ALDH2: variants seen among roughly 807,000 people sequenced by gnomAD.
ALDH2 encodes the protein aldehyde dehydrogenase 2 family member, also known as aldehyde dehydrogenase, mitochondrial.
Under a neutral mutation model 59.6 loss-of-function variants are expected in ALDH2, and 44 were observed. That is an observed-to-expected ratio of 0.74 (90% CI 0.58 to 0.95). The LOEUF (loss-of-function observed/expected upper bound fraction) is 0.95. Among genes scored for constraint, ALDH2 ranks in the 40% least tolerant of loss-of-function variants. The pLI is 0.00. For synonymous variants in ALDH2, 291 were observed against 284.0 expected (o/e 1.02, Z -0.25); for missense variants, 570 against 696.3 (o/e 0.82, Z 2.04).
chr12:111,800,119 C>T, intron 11 of ALDH2, 56 bp downstream of exon 11: 1 of 1,527,372 alleles, frequency 6.5e-7, no homozygotes, highest in South Asian at 1.2e-5. Context: ...AAAGCCAGGG[C>T]CTACTGGAAT....
chr12:111,773,607 A>C (rs1348151423), intron 1 of ALDH2, among the ~76,000 whole-genome samples: 1 of 152,202 alleles, frequency 6.6e-6, no homozygotes, highest in African/African-American at 2.4e-5. Context: ...CATTAAGTAT[A>C]ACTAAGGGCA....
intron 4 of ALDH2, among the ~76,000 whole-genome samples, chr12:111,789,384 T>C (rs564760822): frequency 2.0e-5 from 3 of 151,482 alleles, no homozygotes; most frequent in South Asian, 2.1e-4. Flanking sequence ...TCCCAGCTAC[T>C]TGGGAGGCTG....
intron 1 of ALDH2, among the ~76,000 whole-genome samples, chr12:111,778,867 C>CT (rs1219117978): frequency 3.2e-4 from 46 of 141,674 alleles, no homozygotes; most frequent in East Asian, 8.2e-4. Flanking sequence ...CGTCCAGATT[C>CT]TTTTTTTTTT....
At chr12:111,783,493 CTTTG>C (rs2068288717) in intron 3 of ALDH2, among the ~76,000 whole-genome samples, 195 bp downstream of exon 3, 1 of 152,080 alleles carries the variant, frequency 6.6e-6, no homozygotes, top group African/African-American at 2.4e-5. Flanking sequence ...TCAGTGTCTC[CTTTG>C]TTTTTTTGTT....
At chr12:111,789,511 AAAAG>A in intron 4 of ALDH2, among the ~76,000 whole-genome samples, 1 of 150,064 alleles carries the variant, frequency 6.7e-6, no homozygotes, top group African/African-American at 2.5e-5. Flanking sequence ...AAAAGAAAAG[AAAAG>A]AAAGAAAAAA....
At position 111,809,599 on chromosome 12, in the gene ALDH2, A is replaced by C; in HGVS notation, c.*24A>C. The stretch of plus-strand genomic sequence containing the variant: ...AAGAATCATGCAAGCTTCCTCCCTC[A>C]GCCATTGATGGAAAGTTCAGCAAGA... On this transcript the variant is annotated 3_prime_UTR_variant, in exon 13 of 13. Transcript: ENST00000261733. The C allele has an allele frequency of 6.2e-7, 1 of 1,613,884 alleles. No homozygotes were observed. Among genetic ancestry groups the C allele is most frequent in the South Asian group, 1.1e-5 (1 of 91,066 alleles).
intron 1 of ALDH2, among the ~76,000 whole-genome samples, chr12:111,768,469 C>T (rs2068175048): frequency 6.6e-6 from 1 of 152,230 alleles, no homozygotes; most frequent in Non-Finnish European, 1.5e-5. Flanking sequence ...TTGCATAACA[C>T]AAGCTAAAAA....
At chr12:111,772,938 G>T (rs1275665281) in intron 1 of ALDH2, among the ~76,000 whole-genome samples, 2 of 135,594 alleles carry the variant, frequency 1.5e-5, no homozygotes, top group South Asian at 4.8e-4. Context: ...GTGAGACTCC[G>T]TCTCAAAAAA....
intron 5 of ALDH2, 38 bp downstream of exon 5, chr12:111,789,972 T>C (rs976336262): frequency 4.4e-6 from 7 of 1,588,724 alleles, no homozygotes; most frequent in Non-Finnish European, 6.0e-6. Flanking sequence ...CAGGGTGCCC[T>C]GAGATTTGGC....
rs1566181179 is a variant in ALDH2, at chr12:111,774,375, C to T, written c.114+7279C>T. Among the ~76,000 whole-genome samples the T allele has an allele frequency of 3.9e-5, 6 of 152,300 alleles. No individual in the cohort carries two copies. In the South Asian group the frequency reaches 8.3e-4, roughly 21 times the overall value. ...TGGAATCTTGTAATACAAGCAATGG[C>T]ATCTGCTTTCCATCGGACATAATCA... On this transcript the variant is annotated intron_variant, in intron 1 of 12. Coordinates refer to ENST00000261733, the MANE Select transcript of ALDH2 (RefSeq NM_000690.4).
In ALDH2 at chr12:111,792,669, C is replaced by T. The variant is rs763851306; in HGVS notation, c.970C>T (p.Arg324Trp). ...NQGQCCCAGS[R>W]TFVQEDIYDE... ...GGGCCAGTGCTGCTGTGCCGGCTCC[C>T]GGACCTTCGTGCAGGAGGACATCTA... Residue 324 changes from arginine to tryptophan, a missense_variant, in exon 9 of 13, where the codon CGG (arginine) becomes TGG (tryptophan). Transcript: ENST00000261733. The T allele has an allele frequency of 8.1e-6, 13 of 1,611,216 alleles. No homozygotes were observed. The highest frequency in any genetic ancestry group is 1.6e-4 in the Middle Eastern group (1 of 6,078).
rs2068567949 is a variant in ALDH2 at position 111,816,104 on chromosome 12, G to C, written c.*6529G>C. 1 of 152,152 alleles carries C rather than the reference G, an allele frequency of 6.6e-6. No homozygotes were observed. Among genetic ancestry groups the C allele is most frequent in the Non-Finnish European group, 1.5e-5 (1 of 68,046 alleles). 9.4% of individuals were successfully genotyped at this position (152,152 alleles called of 1,614,324 possible). A position where few individuals can be genotyped will look rare whatever the true frequency, so the allele number is the denominator to read the frequency against. ...CATGGGGGTGGATCCCTCATGAATGGCTTGGTGTCCTCCCCCATGGTAATG... is the reference window on the plus strand; with the variant it reads ...CATGGGGGTGGATCCCTCATGAATGCCTTGGTGTCCTCCCCCATGGTAATG... On this transcript the variant is annotated 3_prime_UTR_variant, in exon 13 of 13. Transcript: ENST00000261733.
intron 12 of ALDH2, 34 bp downstream of exon 12, chr12:111,804,007 G>T (rs200975817): frequency 5.0e-5 from 75 of 1,513,968 alleles, no homozygotes; most frequent in Admixed American, 1.5e-4. Flanking sequence ...CTCAGGGCCT[G>T]TTGGGGCTTG....
intron 1 of ALDH2, among the ~76,000 whole-genome samples, chr12:111,774,365 C>A (rs975472116): frequency 4.6e-5 from 7 of 152,208 alleles, no homozygotes; most frequent in Non-Finnish European, 4.4e-5. Flanking sequence ...TCTTGTAATA[C>A]AAGCAATGGC....
At chr12:111,808,235 C>A (rs2068511832) in intron 12 of ALDH2, among the ~76,000 whole-genome samples, 1 of 152,188 alleles carries the variant, frequency 6.6e-6, no homozygotes, top group Non-Finnish European at 1.5e-5. Context: ...AAACTTATTA[C>A]TGGTCATCTA....
At chr12:111,791,254 C>A (rs1001696628) in intron 6 of ALDH2, 52 bp from the exon 7 acceptor site, 1 of 1,368,826 alleles carries the variant, frequency 7.3e-7, no homozygotes, top group Non-Finnish European at 1.0e-6. Context: ...CCTGGTTGAG[C>A]CCTTCAGAAT....
At chr12:111,789,058 C>T (rs1268954951) in intron 4 of ALDH2, among the ~76,000 whole-genome samples, 1 of 142,604 alleles carries the variant, frequency 7.0e-6, no homozygotes, top group East Asian at 2.2e-4. Flanking sequence ...CGCTCTGTTG[C>T]CCAGGCTGGA....
At position 111,790,456 on chromosome 12, in the gene ALDH2, A is replaced by C. The variant is rs1211562547; in HGVS notation, c.575A>C (p.Gln192Pro). The change falls in exon 6 of 13, where the codon CAA becomes CCA. Residue 192 changes from glutamine to proline, a missense_variant. Coordinates refer to ENST00000261733, the MANE Select transcript of ALDH2 (RefSeq NM_000690.4). ...CAGTGGAATTTCCCGCTCCTGATGCAAGCATGGAAGCTGGGCCCAGCCTTG... is the reference window on the plus strand; with the variant it reads ...CAGTGGAATTTCCCGCTCCTGATGCCAGCATGGAAGCTGGGCCCAGCCTTG... ...IIPWNFPLLM[Q>P]AWKLGPALAT... 6.2e-7 allele frequency: 1 copy of C among 1,614,130 alleles called. No homozygotes were observed. Among genetic ancestry groups the C allele is most frequent in the Non-Finnish European group, 8.5e-7 (1 of 1,180,026 alleles).
At position 111,814,599 on chromosome 12, in the gene ALDH2, T is replaced by A. The variant is rs1310642608; in HGVS notation, c.*5024T>A. 1.3e-5 allele frequency: 2 copies of A among 148,476 alleles called. No homozygotes were observed. The highest frequency in any genetic ancestry group is 3.0e-5 in the Non-Finnish European group (2 of 67,224). 9.2% of individuals were successfully genotyped at this position (148,476 alleles called of 1,614,324 possible). A position where few individuals can be genotyped will look rare whatever the true frequency, so the allele number is the denominator to read the frequency against. ...ATGGCTCATGCCTGTAATCTCAGCA[T>A]TTTGGGATACTGAGGCGGGTGGATT... On this transcript the variant is annotated 3_prime_UTR_variant, in exon 13 of 13. Transcript: ENST00000261733.
Sources: allele counts gnomAD v4.1 joint callset (sites outside exome capture counted in the v4.1 genomes callset), GRCh38; gene constraint gnomAD v4.1.1; transcripts MANE v1.5; gene names NCBI Gene and HGNC (gene_info 2026-07-23, HGNC 2026-07-21).